Variants in SF3B2 observed in about 807,000 individuals in gnomAD.
SF3B2 encodes the protein splicing factor 3b subunit 2.
SF3B2 carries 22 observed loss-of-function variants against 116.3 expected under a neutral mutation model. That is an observed-to-expected ratio of 0.19 (90% CI 0.14 to 0.27). The LOEUF (loss-of-function observed/expected upper bound fraction) is 0.27, where lower values mean the gene tolerates loss of function less well. Among genes scored for constraint, SF3B2 ranks in the 10% least tolerant of loss-of-function variants. The probability of loss-of-function intolerance (pLI) is 1.00; values close to 1 mark genes in which losing one functional copy is unlikely to be tolerated. For missense variants in SF3B2, 767 were observed against 1,151.4 expected, an observed-to-expected ratio of 0.67 and a Z score of 4.83; for synonymous variants, 406 against 421.6, an observed-to-expected ratio of 0.96 and a Z score of 0.45.
At chr11:66,053,695 G>C (rs546957156) in intron 3 of SF3B2, 1 of 151,010 alleles carries the variant, frequency 6.6e-6, no homozygotes, top group Non-Finnish European at 1.5e-5. Flanking sequence ...AAAAAAAAAG[G>C]GGGGAGGTGA....
rs1590715330 is a variant in SF3B2, at chr11:66,062,125, A to G, written c.1977+127A>G. 15 of 730,294 alleles carry G rather than the reference A, an allele frequency of 2.1e-5. No homozygotes were observed. The East Asian group carries it at 4.1e-4, about 20-fold the overall frequency. The allele number at this position is 730,294 out of a possible 1,614,324, so 45.2% of individuals were successfully genotyped here. On this transcript the variant is annotated intron_variant, in intron 16 of 21. Transcript: ENST00000322535. Reference sequence around the variant, plus strand: ...TACTTAAAAAATATTTTATTGACATAATATTTGTCATATACCATGTGTATG... The same window carrying G: ...TACTTAAAAAATATTTTATTGACATGATATTTGTCATATACCATGTGTATG...
intron 14 of SF3B2, among the ~76,000 whole-genome samples, chr11:66,061,216 G>A (rs1194855551): frequency 6.6e-6 from 1 of 152,184 alleles, no homozygotes; most frequent in Admixed American, 6.5e-5. Context: ...CAGATCTGGT[G>A]GCTTCTTTCC....
At position 66,061,712 on chromosome 11, in the gene SF3B2, G is replaced by A. The variant is rs776630890; in HGVS notation, c.1806G>A (p.Lys602=). ...YEGKEFETRL[K]EKKPGDLSDE... is the part of the protein sequence containing the mutation. ...GGAAGGAGTTCGAGACACGACTGAA[G>A]GAGAAGAAGCCAGGAGATCTGTCTG... Residue 602 remains lysine (K), a synonymous_variant, in exon 15 of 22, where the codon AAG becomes AAA. Transcript: ENST00000322535. The A allele has an allele frequency of 3.2e-5, 51 of 1,614,098 alleles. No homozygotes were observed. The highest frequency in any genetic ancestry group is 4.0e-5 in the Non-Finnish European group (47 of 1,180,030).
At position 66,053,067 on chromosome 11, in the gene SF3B2, A is replaced by T; in HGVS notation, c.221A>T (p.Asp74Val). The T allele has an allele frequency of 6.2e-7, 1 of 1,614,064 alleles. No individual in the cohort carries two copies. The highest frequency in any genetic ancestry group is 8.5e-7 in the Non-Finnish European group (1 of 1,179,998). The change falls in exon 3 of 22, where the codon GAT (aspartate) becomes GTT (valine). Residue 74 changes from aspartate to valine, a missense_variant. Physicochemically the swap from Asp to Val is radical, Grantham distance 152 (BLOSUM62 -3). Transcript: ENST00000322535. ...VLNRPVLRGE[D>V]GDKAAPPPMS... ...AATCGGCCGGTTTTGAGAGGGGAAG[A>T]TGGGGACAAAGCCGCTCCACCTCCC...
chr11:66,057,042 A>G, intron 6 of SF3B2, 87 bp downstream of exon 6: 1 of 1,001,054 alleles, frequency 1.0e-6, no homozygotes, highest in Non-Finnish European at 1.6e-6. Context: ...ACATTTAAAA[A>G]GGGCATATAT....
At chr11:66,060,527 T>C in intron 13 of SF3B2, 55 bp from the exon 14 acceptor site, 1 of 1,601,956 alleles carries the variant, frequency 6.2e-7, no homozygotes, top group East Asian at 2.2e-5. Flanking sequence ...AGCTGGATTC[T>C]CTACATGAAT....
rs1857246545 is a variant in SF3B2, at chr11:66,069,267, C to T, written c.*522C>T. On this transcript the variant is annotated 3_prime_UTR_variant, in exon 22 of 22. Transcript: ENST00000322535. The stretch of plus-strand genomic sequence containing the variant: ...TGTGACCAGAAGTTCAAGTCCTTAC[C>T]TGTGCGACAACATAGCTCAAAAGCT... 2.4e-6 allele frequency: 1 copy of T among 413,264 alleles called. No homozygotes were observed. The highest frequency in any genetic ancestry group is 5.0e-6 in the Non-Finnish European group (1 of 198,924). The allele number at this position is 413,264 out of a possible 1,614,324, so 25.6% of individuals were successfully genotyped here.
At position 66,052,438 on chromosome 11, in the gene SF3B2, G is replaced by GCCACCT. The variant is rs750099665; in HGVS notation, c.58_63dup (p.Pro20_Pro21dup). 2.5e-6 allele frequency: 4 copies of GCCACCT among 1,613,390 alleles called. No individual in the cohort carries two copies. Among genetic ancestry groups the GCCACCT allele is most frequent in the Non-Finnish European group, 3.4e-6 (4 of 1,179,848 alleles). On this transcript the variant is annotated inframe_insertion, in exon 1 of 22. Coordinates refer to ENST00000322535, the MANE Select transcript of SF3B2 (RefSeq NM_006842.3). Reference sequence around the variant, plus strand: ...AAGCAGAATTGCAGCTGCCGCCGCCGCCACCTCCAGGCCACTATGGCGCCT... The same window carrying GCCACCT: ...AAGCAGAATTGCAGCTGCCGCCGCCGCCACCTCCACCTCCAGGCCACTATGGCGCCT...
Position 66,058,969 on chromosome 11 carries a change from TTGAGTA to T in SF3B2, c.1109_1114del (p.Glu370_Tyr371del). On this transcript the variant is annotated inframe_deletion, in exon 10 of 22. Coordinates refer to ENST00000322535, the MANE Select transcript of SF3B2 (RefSeq NM_006842.3). ...GATTCCCCAGCAGCTGATGTTGAGA[TTGAGTA>T]TGTGACTGAAGAACCTGAAATTTAC... is the stretch of plus-strand genomic sequence containing the variant. 6.2e-7 allele frequency: 1 copy of T among 1,614,030 alleles called. No individual in the cohort carries two copies. The highest frequency in any genetic ancestry group is 1.1e-5 in the South Asian group (1 of 91,066).
At chr11:66,053,137 TCTG>T in intron 3 of SF3B2, 33 bp downstream of exon 3, 1 of 1,586,356 alleles carries the variant, frequency 6.3e-7, no homozygotes, top group Non-Finnish European at 8.7e-7. Context: ...TAAGATTCCA[TCTG>T]CTGATCCTTT....
intron 19 of SF3B2, chr11:66,066,692 G>C (rs1480372537): frequency 6.6e-6 from 1 of 152,238 alleles, no homozygotes; most frequent in Non-Finnish European, 1.5e-5. Flanking sequence ...TTTCCGGCTG[G>C]CTAGTGGGAG....
At chr11:66,054,117 C>T (rs549843668) in intron 3 of SF3B2, among the ~76,000 whole-genome samples, 11 of 138,716 alleles carry the variant, frequency 7.9e-5, no homozygotes, top group Non-Finnish European at 1.2e-4. Flanking sequence ...TGGAGGTGGA[C>T]GGTGCAGTGA....
At chr11:66,053,376 G>C (rs1856926200) in intron 3 of SF3B2, 1 of 475,412 alleles carries the variant, frequency 2.1e-6, no homozygotes, top group African/African-American at 1.9e-5. Context: ...TCCACTGTCT[G>C]CTTCTCCAAA....
chr11:66,061,762 T>C lies in SF3B2; in HGVS notation c.1856T>C (p.Met619Thr). Reference sequence around the variant, plus strand: ...GATGAGCTAAGGATTTCCTTGGGGATGCCAGTAGGACCAGTGAGTGTCAGT... The same window carrying C: ...GATGAGCTAAGGATTTCCTTGGGGACGCCAGTAGGACCAGTGAGTGTCAGT... The part of the protein sequence containing the change: ...LSDELRISLG[M>T]PVGPNAHKVP... The change falls in exon 15 of 22, where the codon ATG becomes ACG. Residue 619 changes from methionine to threonine, a missense_variant. By Grantham distance (81) the Met-to-Thr change is moderately conservative. Coordinates refer to ENST00000322535, the MANE Select transcript of SF3B2 (RefSeq NM_006842.3). The C allele has an allele frequency of 6.2e-7, 1 of 1,614,100 alleles. No individual in the cohort carries two copies. Among genetic ancestry groups the C allele is most frequent in the Non-Finnish European group, 8.5e-7 (1 of 1,179,918 alleles).
chr11:66,063,209 C>G, intron 17 of SF3B2, 93 bp downstream of exon 17: 3 of 1,098,572 alleles, frequency 2.7e-6, no homozygotes, highest in South Asian at 2.9e-5. Flanking sequence ...GTTGTGTGTT[C>G]TGACACAGCA....
chr11:66,067,373 A>AT (rs1410459346), intron 19 of SF3B2: 1 of 455,884 alleles, frequency 2.2e-6, no homozygotes, highest in African/African-American at 2.0e-5. Context: ...GTTTTAAGGT[A>AT]TTTTCTCTGG....
intron 3 of SF3B2, chr11:66,053,340 C>T: frequency 1.9e-6 from 1 of 540,384 alleles, no homozygotes; most frequent in South Asian, 2.1e-5. Context: ...TCAGTTCTCT[C>T]TTTGATGCTG....
chr11:66,053,221 GCCTGA>G (rs1856921751), intron 3 of SF3B2, 117 bp downstream of exon 3: 2 of 967,876 alleles, frequency 2.1e-6, no homozygotes, highest in Non-Finnish European at 3.3e-6. Context: ...CACATTACTC[GCCTGA>G]CCTGAGTGGG....
intron 14 of SF3B2, 104 bp from the exon 15 acceptor site, chr11:66,061,582 G>A (rs1167404400): frequency 5.9e-6 from 5 of 849,382 alleles, no homozygotes; most frequent in Non-Finnish European, 9.9e-6. Flanking sequence ...ATCAGAGTGG[G>A]AGCCAGGTAG....
Sources: gnomAD v4.1 joint callset for allele counts (sites outside exome capture counted in the v4.1 genomes callset) on GRCh38, gnomAD v4.1.1 for gene constraint, MANE v1.5 for transcripts, NCBI Gene and HGNC (gene_info 2026-07-23, HGNC 2026-07-21) for gene names.